CA5A: variants seen among roughly 807,000 people sequenced by gnomAD.
CA5A encodes carbonic anhydrase 5A.
A neutral mutation model predicts 37.1 loss-of-function variants in CA5A; 28 were observed. The ratio of observed to expected loss-of-function variants is 0.75; its 90% CI spans 0.56 to 1.03. CA5A has a LOEUF of 1.03. Among genes scored for constraint, CA5A ranks in the 50% least tolerant of loss-of-function variants. The pLI, the probability that CA5A is intolerant of heterozygous loss-of-function variation, is 0.00. For missense variants in CA5A, 444 were observed against 399.9 expected, an observed-to-expected ratio of 1.11 and a Z score of -0.94; for synonymous variants, 171 against 158.4, an observed-to-expected ratio of 1.08 and a Z score of -0.60.
chr16:87,883,961 C>T (rs1489084803), downstream of CA5A: 2 of 151,424 alleles, frequency 1.3e-5, no homozygotes, highest in Non-Finnish European at 2.9e-5. Flanking sequence ...TATTCTTTAT[C>T]TCCCCGGAAT....
chr16:87,885,511 G>C (rs987407244), downstream of CA5A: 2 of 152,428 alleles, frequency 1.3e-5, no homozygotes, highest in African/African-American at 4.8e-5. Flanking sequence ...GGACAGGAAT[G>C]ACCACTTTGG....
chr16:87,911,665 C>G lies in CA5A; in HGVS notation c.341-6761G>C, dbSNP rs560502095. 6.6e-6 allele frequency among the ~76,000 whole-genome samples: 1 copy of G among 152,284 alleles called. No individual in the cohort carries two copies. The highest frequency in any genetic ancestry group is 1.9e-4 in the East Asian group (1 of 5,190). On this transcript the variant is annotated intron_variant, in intron 2 of 6. Transcript: ENST00000649794. The surrounding 1 kb of genome is among the most constrained non-coding windows in gnomAD (Gnocchi z 4.6). ...CCCAGGCAGGCAGGGGCCGCAGCCA[C>G]TGCAAGCCCCTGCCCACAGAACTCC...
chr16:87,905,664 A>T (rs947861721), intron 2 of CA5A, among the ~76,000 whole-genome samples: 24 of 152,220 alleles, frequency 1.6e-4, no homozygotes, highest in Non-Finnish European at 3.4e-4. Flanking sequence ...TGGGTGAGCA[A>T]GGTCTTTAAA....
chr16:87,936,492 G>C lies in CA5A; in HGVS notation c.-42C>G, dbSNP rs375316418. 54 of 1,608,942 alleles carry C rather than the reference G, an allele frequency of 3.4e-5. No individual in the cohort carries two copies. In the African/African-American group the frequency reaches 7.2e-4, roughly 22 times the overall value. On this transcript the variant is annotated 5_prime_UTR_variant, in exon 1 of 7. Coordinates refer to ENST00000649794, the MANE Select transcript of CA5A (RefSeq NM_001739.2). ...CTGACTCCAGTCTGAAGAGGGTGAT[G>C]TTCCCTGCTGTCTGTTCTCACTTTG...
In CA5A at chr16:87,911,563, C is replaced by T. The variant is rs780704076; in HGVS notation, c.341-6659G>A. On this transcript the variant is annotated intron_variant, in intron 2 of 6. Coordinates refer to ENST00000649794, the MANE Select transcript of CA5A (RefSeq NM_001739.2). The surrounding 1 kb of genome is among the most constrained non-coding windows in gnomAD (Gnocchi z 4.6). ...ATGCTGCAAAGGACCGGCCTGCTTC[C>T]GGTGCCACTCTGGGAGGTAGTGCAC... Among the ~76,000 whole-genome samples the T allele has an allele frequency of 1.6e-4, 25 of 152,134 alleles. No homozygotes were observed. The highest frequency in any genetic ancestry group is 2.6e-4 in the Admixed American group (4 of 15,264).
In CA5A at chr16:87,888,080, G is replaced by C; in HGVS notation, c.*49C>G. On this transcript the variant is annotated 3_prime_UTR_variant, in exon 7 of 7. Coordinates refer to ENST00000649794, the MANE Select transcript of CA5A (RefSeq NM_001739.2). ...CACATTGTGAAACTTGGGAAACAAC[G>C]CTTCCTTCCTTCAAAGTCAGTTCTG... is the stretch of plus-strand genomic sequence containing the variant. 1.3e-6 allele frequency: 2 copies of C among 1,534,188 alleles called. No homozygotes were observed. Among genetic ancestry groups the C allele is most frequent in the Non-Finnish European group, 1.8e-6 (2 of 1,136,988 alleles).
chr16:87,892,148 T>C (rs1348008821), intron 5 of CA5A, 194 bp from the exon 6 acceptor site: 4 of 476,814 alleles, frequency 8.4e-6, no homozygotes, highest in Non-Finnish European at 1.1e-5. Flanking sequence ...CAAGGATTCC[T>C]GCCAACTTAC....
intron 2 of CA5A, among the ~76,000 whole-genome samples, chr16:87,909,524 T>G (rs1278514734): frequency 6.6e-6 from 1 of 152,246 alleles, no homozygotes; most frequent in Non-Finnish European, 1.5e-5. Flanking sequence ...TCACTCGGGC[T>G]GGGCTGGAGC....
At chr16:87,905,307 A>G (rs1443941297) in intron 2 of CA5A, among the ~76,000 whole-genome samples, 1 of 152,228 alleles carries the variant, frequency 6.6e-6, no homozygotes, top group African/African-American at 2.4e-5. Context: ...CTTAAATCCT[A>G]TCACCAAATA....
chr16:87,881,943 T>G (rs2055611123), intron 4 of CA5A: 1 of 152,156 alleles, frequency 6.6e-6, no homozygotes, highest in South Asian at 2.1e-4. Context: ...GGGCCCCCTG[T>G]GTGTTGATAC....
At chr16:87,906,429 A>T (rs1382210945) in intron 2 of CA5A, among the ~76,000 whole-genome samples, 2 of 152,048 alleles carry the variant, frequency 1.3e-5, no homozygotes, top group African/African-American at 4.8e-5. Flanking sequence ...GGAGTTAGAG[A>T]CCAGCCTGGC....
chr16:87,887,118 G>C (rs940067518), downstream of CA5A: 1 of 152,176 alleles, frequency 6.6e-6, no homozygotes, highest in African/African-American at 2.4e-5. Flanking sequence ...GGTCAGGCTG[G>C]TGTCGAACTT....
At chr16:87,923,445 C>A (rs2056258247) in intron 2 of CA5A, 3 of 685,078 alleles carry the variant, frequency 4.4e-6, no homozygotes, top group Non-Finnish European at 5.4e-6. Context: ...ACCTCGGCTT[C>A]CCAAAGTGCT....
chr16:87,923,611 C>A, intron 2 of CA5A: 1 of 985,450 alleles, frequency 1.0e-6, no homozygotes, highest in Non-Finnish European at 1.2e-6. Flanking sequence ...AGCCGGGTGC[C>A]TGATGCTCCA....
intron 2 of CA5A, among the ~76,000 whole-genome samples, chr16:87,920,691 C>G (rs1567532261): frequency 6.6e-6 from 1 of 151,942 alleles, no homozygotes; most frequent in African/African-American, 2.4e-5. Flanking sequence ...GATCTCGACT[C>G]ACTTACAACT....
At chr16:87,914,753 A>G (rs1384515918) in intron 2 of CA5A, among the ~76,000 whole-genome samples, 1 of 151,934 alleles carries the variant, frequency 6.6e-6, no homozygotes, top group Non-Finnish European at 1.5e-5. Context: ...GGTGGTCAGG[A>G]CCTCAGCTGG....
chr16:87,929,730 G>A (rs1443936868), intron 1 of CA5A, among the ~76,000 whole-genome samples: 1 of 151,704 alleles, frequency 6.6e-6, no homozygotes, highest in African/African-American at 2.4e-5. Context: ...AAATTAGCCG[G>A]GCGTGGTGGC....
chr16:87,928,914 C>T (rs369084876), intron 1 of CA5A, among the ~76,000 whole-genome samples: 8 of 150,314 alleles, frequency 5.3e-5, no homozygotes, highest in Admixed American at 2.0e-4. Context: ...ATTACAGGCA[C>T]GCGCCGCCAC....
intron 2 of CA5A, among the ~76,000 whole-genome samples, chr16:87,915,894 G>C (rs535492130): frequency 1.3e-4 from 20 of 152,064 alleles, no homozygotes; most frequent in African/African-American, 4.6e-4. Flanking sequence ...TCATGCTGCT[G>C]ATAAAGCCAT....
Sources: gnomAD v4.1 joint callset for allele counts (sites outside exome capture counted in the v4.1 genomes callset) on GRCh38, gnomAD v4.1.1 for gene constraint, Gnocchi (gnomAD v3.1) non-coding constraint, MANE v1.5 for transcripts, NCBI Gene and HGNC (gene_info 2026-07-23, HGNC 2026-07-21) for gene names.